TRAM1: variants seen among roughly 807,000 people sequenced by gnomAD.
TRAM1 encodes the protein translocating chain-associated membrane protein 1.
TRAM1 carries 17 observed loss-of-function variants against 48.7 expected under a neutral mutation model. The ratio of observed to expected loss-of-function variants is 0.35; its 90% confidence interval spans 0.24 to 0.52. The LOEUF (loss-of-function observed/expected upper bound fraction) is 0.52, where lower values mean the gene tolerates loss of function less well. Among genes scored for constraint, TRAM1 ranks in the 20% least tolerant of loss-of-function variants. The pLI is 0.94. For missense variants in TRAM1, 351 were observed against 441.5 expected (o/e 0.79, Z 1.84); for synonymous variants, 182 against 154.0 (o/e 1.18, Z -1.34).
At chr8:70,589,475 G>A (rs1346783519) in intron 6 of TRAM1, among the ~76,000 whole-genome samples, 1 of 152,204 alleles carries the variant, frequency 6.6e-6, no homozygotes, top group East Asian at 1.9e-4. Flanking sequence ...GTTTCCCAGT[G>A]TGGTGTGTAC....
At chr8:70,605,511 C>A (rs1817699958) in intron 1 of TRAM1, among the ~76,000 whole-genome samples, 2 of 152,144 alleles carry the variant, frequency 1.3e-5, no homozygotes, top group African/African-American at 4.8e-5. Flanking sequence ...CTCAATGTAT[C>A]TGCACAACAG....
intron 1 of TRAM1, among the ~76,000 whole-genome samples, chr8:70,603,877 G>C (rs531962493): frequency 1.9e-4 from 29 of 152,294 alleles, no homozygotes; most frequent in African/African-American, 6.7e-4. Context: ...AATAGAAGAA[G>C]AAGAGGAAAA....
At chr8:70,575,165 T>G (rs1816919124) in intron 10 of TRAM1, among the ~76,000 whole-genome samples, 160 bp from the exon 11 acceptor site, 1 of 152,158 alleles carries the variant, frequency 6.6e-6, no homozygotes, top group South Asian at 2.1e-4. Flanking sequence ...CTGGTAACAT[T>G]TTTAACACAA....
At chr8:70,581,748 T>C (rs1234217474) in intron 10 of TRAM1, among the ~76,000 whole-genome samples, 2 of 152,186 alleles carry the variant, frequency 1.3e-5, no homozygotes, top group African/African-American at 2.4e-5. Context: ...CAAAATATGG[T>C]ATACATCCAT....
chr8:70,581,895 T>C (rs1385294626), intron 10 of TRAM1, among the ~76,000 whole-genome samples: 2 of 152,190 alleles, frequency 1.3e-5, no homozygotes. Context: ...TTACATGAAA[T>C]GTCCAGAAAA....
chr8:70,602,406 G>A (rs780388432), intron 1 of TRAM1, among the ~76,000 whole-genome samples: 7 of 152,082 alleles, frequency 4.6e-5, no homozygotes, highest in Non-Finnish European at 1.0e-4. Context: ...TAAACACACA[G>A]GATAGAAAGA....
Position 70,608,266 on chromosome 8 carries a change from C to T in TRAM1, c.-67G>A, listed in dbSNP as rs1365166787. The T allele has an allele frequency of 8.1e-6, 12 of 1,482,390 alleles. No individual in the cohort carries two copies. In the Admixed American group the frequency reaches 9.2e-5, roughly 11 times the overall value. The allele number at this position is 1,482,390 out of a possible 1,614,324, so 91.8% of individuals were successfully genotyped here. ...TCTGCTCTTCCCAGCTGCTCACCGA[C>T]TCGCCGCCGCCTCCCGCTGGCTGCT... On this transcript the variant is annotated 5_prime_UTR_variant, in exon 1 of 11. Coordinates refer to ENST00000262213, the MANE Select transcript of TRAM1 (RefSeq NM_014294.6).
At position 70,579,446 on chromosome 8, in the gene TRAM1, T is replaced by C. The variant is rs1419939383; in HGVS notation, c.1051+3718A>G. Among the ~76,000 whole-genome samples the C allele has an allele frequency of 3.3e-5, 5 of 152,194 alleles. No individual in the cohort carries two copies. In the East Asian group the frequency reaches 9.6e-4, roughly 29 times the overall value. On this transcript the variant is annotated intron_variant, in intron 10 of 10. Coordinates refer to ENST00000262213, the MANE Select transcript of TRAM1 (RefSeq NM_014294.6). ...GAAATGTCATTATTTAGCACGTAAC[T>C]ATATAGTTTGAAACTACCCCTGGTT...
chr8:70,583,197 C>T lies in TRAM1; in HGVS notation c.1018G>A (p.Val340Ile), dbSNP rs1226223667. The T allele has an allele frequency of 1.9e-6, 3 of 1,613,872 alleles. No individual in the cohort carries two copies. Among genetic ancestry groups the T allele is most frequent in the South Asian group, 2.2e-5 (2 of 91,062 alleles). The change falls in exon 10 of 11, where the codon GTA becomes ATA. Residue 340 changes from valine to isoleucine, a missense_variant. Val to Ile is a conservative substitution (Grantham distance 29, BLOSUM62 3). Coordinates refer to ENST00000262213, the MANE Select transcript of TRAM1 (RefSeq NM_014294.6). Reference protein sequence around the residue: ...QAPAVKKKPTVTKGRSSKKGT... With the variant: ...QAPAVKKKPTITKGRSSKKGT... ...TTTTTAGAAGATCTGCCTTTAGTTA[C>T]TGTTGGTTTCTTCTTCACAGCTGGT...
chr8:70,574,194 T>G lies in TRAM1; in HGVS notation c.*738A>C, dbSNP rs1040101850. 2 of 406,176 alleles carry G rather than the reference T, an allele frequency of 4.9e-6. No individual in the cohort carries two copies. Among genetic ancestry groups the G allele is most frequent in the African/African-American group, 4.3e-5 (2 of 46,444 alleles). 25.2% of individuals were successfully genotyped at this position (406,176 alleles called of 1,614,324 possible). ...TATCAAAAAGGGCTATATGTCAGAT[T>G]TTCCTGTTCATAGTAAATATTTTCT... On this transcript the variant is annotated 3_prime_UTR_variant, in exon 11 of 11. Coordinates refer to ENST00000262213, the MANE Select transcript of TRAM1 (RefSeq NM_014294.6).
rs947856150 is a variant in TRAM1 at position 70,573,887 on chromosome 8, T to C, written c.*1045A>G. ...ATATATATATATTTATCCAAAAATA[T>C]GTTTTATACAGATAAATGTTTCTCA... On this transcript the variant is annotated 3_prime_UTR_variant, in exon 11 of 11. Transcript: ENST00000262213. The C allele has an allele frequency of 2.6e-5, 4 of 152,790 alleles. No homozygotes were observed. The Admixed American group carries it at 2.6e-4, about 10-fold the overall frequency. 9.5% of individuals were successfully genotyped at this position (152,790 alleles called of 1,614,324 possible).
chr8:70,574,822 A>AAATC lies in TRAM1; in HGVS notation c.*106_*109dup. On this transcript the variant is annotated 3_prime_UTR_variant, in exon 11 of 11. Coordinates refer to ENST00000262213, the MANE Select transcript of TRAM1 (RefSeq NM_014294.6). ...AATGCATGAAACCGTACAATAGCAA[A>AAATC]AATCAAAGAGCACAGACTGTATTTT... 1.2e-6 allele frequency: 1 copy of AAATC among 800,978 alleles called. No homozygotes were observed. Among genetic ancestry groups the AAATC allele is most frequent in the Non-Finnish European group, 2.0e-6 (1 of 504,738 alleles). 49.6% of individuals were successfully genotyped at this position (800,978 alleles called of 1,614,324 possible).
At chr8:70,603,036 T>A (rs1051027212) in intron 1 of TRAM1, among the ~76,000 whole-genome samples, 2 of 151,874 alleles carry the variant, frequency 1.3e-5, no homozygotes, top group African/African-American at 4.8e-5. Flanking sequence ...GTAAAGTGAG[T>A]TGCCGAACTG....
At chr8:70,584,933 A>G (rs1051551971) in intron 8 of TRAM1, among the ~76,000 whole-genome samples, 1 of 152,192 alleles carries the variant, frequency 6.6e-6, no homozygotes, top group Admixed American at 6.5e-5. Context: ...AAACTACTTT[A>G]AAGTTCATAT....
Position 70,584,979 on chromosome 8 carries a change from C to T in TRAM1, c.747-1186G>A, listed in dbSNP as rs893834463. Reference sequence around the variant, plus strand: ...AAGAGCTCGCATCACCAAGTCAATCCTAAGCCAAAAGAACAAAGCTGGAGG... The same window carrying T: ...AAGAGCTCGCATCACCAAGTCAATCTTAAGCCAAAAGAACAAAGCTGGAGG... On this transcript the variant is annotated intron_variant, in intron 8 of 10. Coordinates refer to ENST00000262213, the MANE Select transcript of TRAM1 (RefSeq NM_014294.6). Among the ~76,000 whole-genome samples, 244 of 152,290 alleles carry T rather than the reference C, an allele frequency of 1.6e-3. 1 individual carries two copies. Among genetic ancestry groups the T allele is most frequent in the African/African-American group, 5.7e-3 (236 of 41,550 alleles).
chr8:70,583,030 G>T, intron 10 of TRAM1, 134 bp downstream of exon 10: 3 of 986,022 alleles, frequency 3.0e-6, no homozygotes, highest in Non-Finnish European at 4.3e-6. Context: ...AGATTACTTT[G>T]CCTCTAATTT....
At chr8:70,607,434 A>C in intron 1 of TRAM1, 2 of 985,496 alleles carry the variant, frequency 2.0e-6, no homozygotes, top group Non-Finnish European at 2.4e-6. Context: ...GACAAAAATG[A>C]AAACAATCTG....
chr8:70,590,577 T>C (rs116312465), intron 6 of TRAM1, among the ~76,000 whole-genome samples: 1,743 of 152,330 alleles, frequency 0.011, 33 homozygotes, highest in African/African-American at 0.038. Context: ...TGCTGCACTG[T>C]AGCCTCCAAC....
At chr8:70,606,249 G>C (rs1389107007) in intron 1 of TRAM1, among the ~76,000 whole-genome samples, 1 of 152,160 alleles carries the variant, frequency 6.6e-6, no homozygotes, top group African/African-American at 2.4e-5. Flanking sequence ...CTGGAGTGCA[G>C]TGGTGAAACC....
Sources: allele counts gnomAD v4.1 joint callset (sites outside exome capture counted in the v4.1 genomes callset), GRCh38; gene constraint gnomAD v4.1.1; transcripts MANE v1.5; gene names NCBI Gene and HGNC (gene_info 2026-07-23, HGNC 2026-07-21).